The following DIAPH3 variants were observed in gnomAD, a reference collection of about 807,000 sequenced individuals.
DIAPH3 encodes the protein protein diaphanous homolog 3.
A neutral mutation model predicts 144.3 loss-of-function variants in DIAPH3; 117 were observed. The observed-to-expected ratio is 0.81, with a 90% CI of 0.70 to 0.95. The LOEUF (loss-of-function observed/expected upper bound fraction) is 0.95, where lower values mean the gene tolerates loss of function less well. Ranked by LOEUF, DIAPH3 falls within the 40% of genes least tolerant of loss-of-function variation. The pLI is 0.00. For synonymous variants in DIAPH3, 519 were observed against 488.9 expected, an observed-to-expected ratio of 1.06 and a Z score of -0.81; for missense variants, 1,421 against 1,412.7, an observed-to-expected ratio of 1.01 and a Z score of -0.09.
intron 5 of DIAPH3, among the ~76,000 whole-genome samples, chr13:60,037,526 T>C (rs1455707962): frequency 1.3e-5 from 2 of 151,996 alleles, no homozygotes; most frequent in Admixed American, 6.6e-5. Flanking sequence ...AGTGTGTTCA[T>C]GTTAAATTTC....
chr13:60,092,427 C>T (rs1164773862), intron 4 of DIAPH3, among the ~76,000 whole-genome samples: 5 of 152,144 alleles, frequency 3.3e-5, no homozygotes, highest in African/African-American at 7.2e-5. Flanking sequence ...CCAAGGCGGG[C>T]GGATCACGAG....
chr13:59,749,128 C>T (rs1036486066), intron 27 of DIAPH3, among the ~76,000 whole-genome samples: 2 of 132,438 alleles, frequency 1.5e-5, no homozygotes, highest in South Asian at 2.6e-4. Flanking sequence ...GCAGGAGAAT[C>T]GCTTGTGCCC....
chr13:60,136,870 G>A (rs1566812982), intron 1 of DIAPH3, among the ~76,000 whole-genome samples: 2 of 152,054 alleles, frequency 1.3e-5, no homozygotes, highest in African/African-American at 2.4e-5. Context: ...AACCCGGGAG[G>A]CGGAGCTTGC....
chr13:60,101,477 T>A (rs879884785), intron 3 of DIAPH3, among the ~76,000 whole-genome samples: 32 of 152,062 alleles, frequency 2.1e-4, no homozygotes, highest in Non-Finnish European at 4.0e-4. Flanking sequence ...CCAACATAAA[T>A]TCAAACCACT....
chr13:59,967,989 G>T (rs1397068881), intron 17 of DIAPH3, among the ~76,000 whole-genome samples: 1 of 152,178 alleles, frequency 6.6e-6, no homozygotes, highest in Non-Finnish European at 1.5e-5. Flanking sequence ...CAAGTAAAGA[G>T]ATTCCAGGCC....
intron 17 of DIAPH3, among the ~76,000 whole-genome samples, chr13:59,927,673 G>T (rs2047819781): frequency 6.6e-6 from 1 of 152,090 alleles, no homozygotes; most frequent in African/African-American, 2.4e-5. Context: ...TTACCTGACA[G>T]TTATTTTCTT....
At chr13:60,017,353 G>A (rs1171066378) in intron 5 of DIAPH3, among the ~76,000 whole-genome samples, 1 of 149,890 alleles carries the variant, frequency 6.7e-6, no homozygotes, top group South Asian at 2.1e-4. Context: ...GCAGTGAGCC[G>A]AGATCGCGCC....
At chr13:60,032,583 A>G (rs768243022) in intron 5 of DIAPH3, among the ~76,000 whole-genome samples, 1 of 152,182 alleles carries the variant, frequency 6.6e-6, no homozygotes, top group Non-Finnish European at 1.5e-5. Flanking sequence ...CTGGAGCCGG[A>G]GTGGCAGGGA....
At chr13:60,022,505 G>T (rs1390092354) in intron 5 of DIAPH3, among the ~76,000 whole-genome samples, 1 of 152,150 alleles carries the variant, frequency 6.6e-6, no homozygotes, top group African/African-American at 2.4e-5. Flanking sequence ...TGGAAGCAAG[G>T]TGTTCAAAAT....
In DIAPH3 at chr13:59,971,043, G is replaced by A; in HGVS notation, c.1768C>T (p.Pro590Ser). 5 of 1,612,710 alleles carry A rather than the reference G, an allele frequency of 3.1e-6. No individual in the cohort carries two copies. The highest frequency in any genetic ancestry group is 4.2e-6 in the Non-Finnish European group (5 of 1,179,164). Residue 590 changes from proline to serine, a missense_variant, in exon 16 of 28, where the codon CCA (proline) becomes TCA (serine). Pro to Ser is a moderately conservative substitution (Grantham distance 74). Transcript: ENST00000400324. ...PLPSGGGVPP[P>S]PPPPPPPPLP... is the part of the protein sequence containing the mutation. Reference sequence around the variant, plus strand: ...GGAGGAGGTGGTGGGGGAGGAGGTGGAGGCGGCACCCCTCCACCAGAAGGC... The same window carrying A: ...GGAGGAGGTGGTGGGGGAGGAGGTGAAGGCGGCACCCCTCCACCAGAAGGC...
intron 22 of DIAPH3, among the ~76,000 whole-genome samples, chr13:59,841,902 T>C (rs2042370583): frequency 6.6e-6 from 1 of 152,098 alleles, no homozygotes; most frequent in South Asian, 2.1e-4. Context: ...GCTCAGTAGG[T>C]AAGTAAAAAG....
chr13:59,791,311 A>G (rs979927078), intron 25 of DIAPH3, among the ~76,000 whole-genome samples: 4 of 152,246 alleles, frequency 2.6e-5, no homozygotes, highest in African/African-American at 9.6e-5. Flanking sequence ...CATAAAATAA[A>G]GAATAAAAAA....
intron 24 of DIAPH3, among the ~76,000 whole-genome samples, chr13:59,815,705 C>A (rs922414809): frequency 1.3e-5 from 2 of 152,132 alleles, no homozygotes; most frequent in South Asian, 4.2e-4. Flanking sequence ...ATCCTCTCAC[C>A]GTAGCCTCCC....
rs984900349 is a variant in DIAPH3, at chr13:60,071,815, AAATCTAATCTAATC to A, written c.495+21799_495+21812del. Among the ~76,000 whole-genome samples the A allele has an allele frequency of 2.5e-4, 38 of 152,258 alleles. 1 individual carries two copies. The highest frequency in any genetic ancestry group is 2.1e-3 in the South Asian group (10 of 4,822). ...CCTTATTTTTAAAACTTTTAACCCT[AAATCTAATCTAATC>A]AATCTAATCTAATCAATCTAATCCC... On this transcript the variant is annotated intron_variant, in intron 4 of 27. Transcript: ENST00000400324.
intron 7 of DIAPH3, among the ~76,000 whole-genome samples, chr13:60,013,992 C>T (rs983579412): frequency 1.3e-5 from 2 of 151,994 alleles, no homozygotes; most frequent in African/African-American, 4.8e-5. Flanking sequence ...ATATAAACTA[C>T]AAGCAACAAA....
chr13:60,092,521 G>T lies in DIAPH3; in HGVS notation c.495+1107C>A, dbSNP rs571246847. On this transcript the variant is annotated intron_variant, in intron 4 of 27. Coordinates refer to ENST00000400324, the MANE Select transcript of DIAPH3 (RefSeq NM_001042517.2). Reference sequence around the variant, plus strand: ...CAAAAAATTTCCAGGCGTGGTGGCAGGCGCCTGTAGTCCCAGCTACTCCGG... The same window carrying T: ...CAAAAAATTTCCAGGCGTGGTGGCATGCGCCTGTAGTCCCAGCTACTCCGG... 2.0e-3 allele frequency among the ~76,000 whole-genome samples: 299 copies of T among 152,220 alleles called. 2 individuals carry two copies. The highest frequency in any genetic ancestry group is 2.8e-3 in the Non-Finnish European group (192 of 68,002).
chr13:60,081,815 T>C (rs1241953492), intron 4 of DIAPH3, among the ~76,000 whole-genome samples: 3 of 151,976 alleles, frequency 2.0e-5, no homozygotes, highest in East Asian at 1.9e-4. Context: ...GTAGACCAAT[T>C]TGAAAGCAGC....
chr13:60,109,003 C>T (rs570502892), intron 3 of DIAPH3, among the ~76,000 whole-genome samples: 3 of 152,130 alleles, frequency 2.0e-5, no homozygotes, highest in East Asian at 1.9e-4. Context: ...AGAAGACATA[C>T]CAAGGTGTCA....
At chr13:59,925,506 TAA>T (rs2047711388) in intron 17 of DIAPH3, among the ~76,000 whole-genome samples, 1 of 152,218 alleles carries the variant, frequency 6.6e-6, no homozygotes, top group Non-Finnish European at 1.5e-5. Flanking sequence ...AATATTGGTC[TAA>T]GTTTTCTTTT....
Sources: allele counts gnomAD v4.1 joint callset (sites outside exome capture counted in the v4.1 genomes callset), GRCh38; gene constraint gnomAD v4.1.1; transcripts MANE v1.5; gene names NCBI Gene and HGNC (gene_info 2026-07-23, HGNC 2026-07-21).